The following RNF38 variants were observed in gnomAD, a reference collection of about 807,000 sequenced individuals.
RNF38 encodes ring finger protein 38.
In RNF38, 15 loss-of-function variants were observed where a neutral mutation model predicts 67.2. The observed-to-expected ratio is 0.22, with a 90% CI of 0.15 to 0.34. The LOEUF is 0.34. RNF38 is among the 10% of genes least tolerant of loss of function. The probability of loss-of-function intolerance (pLI) is 1.00; values close to 1 mark genes in which losing one functional copy is unlikely to be tolerated. For missense variants in RNF38, 524 were observed against 639.9 expected, an observed-to-expected ratio of 0.82 and a Z score of 1.95; for synonymous variants, 220 against 218.8, an observed-to-expected ratio of 1.01 and a Z score of -0.05.
At position 36,339,510 on chromosome 9, in the gene RNF38, C is replaced by A. The variant is rs1472970787; in HGVS notation, c.*242G>T. Reference sequence around the variant, plus strand: ...AAAAACCAGGGAATGTTAGTGCACACACAAAATTAAGCTAAAGAAAAAGTC... The same window carrying A: ...AAAAACCAGGGAATGTTAGTGCACAAACAAAATTAAGCTAAAGAAAAAGTC... On this transcript the variant is annotated 3_prime_UTR_variant, in exon 12 of 12. Coordinates refer to ENST00000259605, the MANE Select transcript of RNF38 (RefSeq NM_022781.5). 2.1e-6 allele frequency: 1 copy of A among 479,752 alleles called. No homozygotes were observed. Among genetic ancestry groups the A allele is most frequent in the Non-Finnish European group, 3.8e-6 (1 of 266,214 alleles). The allele number at this position is 479,752 out of a possible 1,614,324, so 29.7% of individuals were successfully genotyped here.
chr9:36,390,456 T>C lies in RNF38; in HGVS notation c.162+11A>G, dbSNP rs1836991085. On this transcript the variant is annotated intron_variant, in intron 2 of 11. Transcript: ENST00000259605. ...CAGCCCTATGTAGGGAAAGGGTAAA[T>C]ATATAAGAACCTGGAAGAAAGCTTT... 2 of 1,608,948 alleles carry C rather than the reference T, an allele frequency of 1.2e-6. No homozygotes were observed. Among genetic ancestry groups the C allele is most frequent in the Non-Finnish European group, 1.7e-6 (2 of 1,177,950 alleles).
intron 2 of RNF38, among the ~76,000 whole-genome samples, chr9:36,378,238 G>A (rs1191647593): frequency 1.4e-5 from 2 of 143,702 alleles, no homozygotes; most frequent in Admixed American, 7.5e-5. Flanking sequence ...GTTCAGTGAC[G>A]CCATCTTGGC....
chr9:36,395,700 A>G (rs958074782), intron 1 of RNF38, among the ~76,000 whole-genome samples: 13 of 152,252 alleles, frequency 8.5e-5, no homozygotes, highest in African/African-American at 3.1e-4. Context: ...TTAAACTGAC[A>G]AATTATCAGG....
intron 1 of RNF38, among the ~76,000 whole-genome samples, chr9:36,430,876 A>T (rs775893837): frequency 4.6e-5 from 7 of 152,054 alleles, no homozygotes; most frequent in Non-Finnish European, 8.8e-5. Context: ...TGGCTTTTCT[A>T]TACTCTCACA....
chr9:36,460,191 G>A (rs967251601), intron 1 of RNF38, among the ~76,000 whole-genome samples: 5 of 152,102 alleles, frequency 3.3e-5, no homozygotes, highest in South Asian at 2.1e-4. Context: ...CCTACAAGAC[G>A]TTGAGGATTA....
In RNF38 at chr9:36,446,982, C is replaced by T. The variant is rs563129094; in HGVS notation, n.242-22299G>A. ...AAAAATACAAAAAAAAAAAACATAG[C>T]TGGGTGTGGTGGCGGATGCCTGTAT... On this transcript the variant is annotated intron_variant and non_coding_transcript_variant, in intron 1 of 3. Transcript: ENST00000488058. Among the ~76,000 whole-genome samples the T allele has an allele frequency of 3.3e-5, 5 of 150,928 alleles. No homozygotes were observed. In the East Asian group the frequency reaches 5.8e-4, roughly 18 times the overall value.
chr9:36,402,629 T>C (rs976382476), upstream of RNF38, among the ~76,000 whole-genome samples: 1 of 152,120 alleles, frequency 6.6e-6, no homozygotes, highest in Non-Finnish European at 1.5e-5. Context: ...AAGTTACATT[T>C]GGGAGCTATC....
intron 9 of RNF38, among the ~76,000 whole-genome samples, chr9:36,349,332 T>G (rs1023231025): frequency 6.6e-6 from 1 of 152,196 alleles, no homozygotes. Flanking sequence ...CTAACAGGTA[T>G]GAAGTGATAT....
At chr9:36,391,848 C>T (rs994292644) in intron 1 of RNF38, among the ~76,000 whole-genome samples, 10 of 152,284 alleles carry the variant, frequency 6.6e-5, no homozygotes, top group Non-Finnish European at 1.0e-4. Flanking sequence ...CTCCTGACCT[C>T]GTGATCCGTC....
At chr9:36,443,578 T>C (rs1248512670) in intron 1 of RNF38, among the ~76,000 whole-genome samples, 1 of 152,064 alleles carries the variant, frequency 6.6e-6, no homozygotes, top group Non-Finnish European at 1.5e-5. Context: ...TCACTACAAA[T>C]AGATAAAGAC....
chr9:36,400,900 C>T, upstream of RNF38: 1 of 931,660 alleles, frequency 1.1e-6, no homozygotes, highest in East Asian at 1.1e-4. Flanking sequence ...CCACGCCCCT[C>T]CCCGCCCCGC....
intron 1 of RNF38, among the ~76,000 whole-genome samples, chr9:36,425,085 TC>T (rs774484577): frequency 2.6e-5 from 4 of 152,198 alleles, no homozygotes; most frequent in African/African-American, 4.8e-5. Flanking sequence ...TCCTATAAAT[TC>T]TAAACATATA....
At chr9:36,416,740 A>ATTTTTTTTTTTTTTTTT (rs1491451376) in intron 2 of RNF38, among the ~76,000 whole-genome samples, 1 of 73,056 alleles carries the variant, frequency 1.4e-5, no homozygotes, top group African/African-American at 5.5e-5. Flanking sequence ...TGCTGCCTCG[A>ATTTTTTTTTTTTTTTTT]TATTTTTTTT....
chr9:36,342,531 A>C, intron 10 of RNF38, 107 bp from the exon 11 acceptor site: 1 of 731,604 alleles, frequency 1.4e-6, no homozygotes. Flanking sequence ...ACGTCACTTA[A>C]ATTTTTAAAC....
intron 1 of RNF38, among the ~76,000 whole-genome samples, chr9:36,393,523 G>GTGTGTGTGTGTGTGTGT (rs1554689616): frequency 2.4e-5 from 2 of 83,562 alleles, no homozygotes; most frequent in Non-Finnish European, 3.0e-5. Flanking sequence ...GTGTGTGTGT[G>GTGTGTGTGTGTGTGTGT]GGGCAGGCAG....
chr9:36,400,428 G>C (rs1404986148), upstream of RNF38: 1 of 1,102,336 alleles, frequency 9.1e-7, no homozygotes, highest in Non-Finnish European at 1.1e-6. Flanking sequence ...GCCACCGCGG[G>C]AACAAAGAGC....
At position 36,357,837 on chromosome 9, in the gene RNF38, C is replaced by T; in HGVS notation, c.676G>A (p.Val226Ile). 6.2e-7 allele frequency: 1 copy of T among 1,613,864 alleles called. No homozygotes were observed. Residue 226 changes from valine to isoleucine, a missense_variant, in exon 5 of 12, where the codon GTC (valine) becomes ATC (isoleucine). By Grantham distance (29) the Val-to-Ile change is conservative. Coordinates refer to ENST00000259605, the MANE Select transcript of RNF38 (RefSeq NM_022781.5). ...CTGAAAACCACAGAGCATCCTGGGA[C>T]CTGCTGTGTACTACAAGCAGGGATG... The part of the protein sequence containing the change: ...QHIPACSTQQ[V>I]PGCSVVFSGQ...
At chr9:36,423,876 G>A (rs1266044847) in intron 2 of RNF38, among the ~76,000 whole-genome samples, 1 of 32,416 alleles carries the variant, frequency 3.1e-5, no homozygotes, top group Non-Finnish European at 8.2e-5. Context: ...GTGAACCCGG[G>A]AGACGGAGCT....
intron 1 of RNF38, among the ~76,000 whole-genome samples, chr9:36,465,956 G>T (rs1839851463): frequency 6.6e-6 from 1 of 152,144 alleles, no homozygotes; most frequent in African/African-American, 2.4e-5. Context: ...GGAGGCTGAG[G>T]CAGGAGAATG....
Sources: gnomAD v4.1 joint callset for allele counts (sites outside exome capture counted in the v4.1 genomes callset) on GRCh38, gnomAD v4.1.1 for gene constraint, MANE v1.5 for transcripts, NCBI Gene and HGNC (gene_info 2026-07-23, HGNC 2026-07-21) for gene names.